GAS2: variants seen among roughly 807,000 people sequenced by gnomAD.
GAS2 encodes growth arrest-specific protein 2.
In GAS2, 20 loss-of-function variants were observed where a neutral mutation model predicts 37.5. The observed-to-expected ratio is 0.53, with a 90% CI of 0.37 to 0.77. GAS2 has a LOEUF of 0.77. Ranked by LOEUF, GAS2 falls within the 30% of genes least tolerant of loss-of-function variation. The probability of loss-of-function intolerance (pLI) is 0.00; values close to 1 mark genes in which losing one functional copy is unlikely to be tolerated. For synonymous variants in GAS2, 144 were observed against 132.2 expected (o/e 1.09, Z -0.61); for missense variants, 336 against 373.4 (o/e 0.90, Z 0.82).
intron 7 of GAS2, among the ~76,000 whole-genome samples, chr11:22,806,817 T>C (rs867254360): frequency 3.9e-5 from 6 of 152,128 alleles, no homozygotes; most frequent in South Asian, 2.1e-4. Context: ...GGTTGTAAGG[T>C]TTGCTGTGGA....
In GAS2 at chr11:22,685,798, T is replaced by C. The variant is rs954041382; in HGVS notation, c.267+9T>C. The C allele has an allele frequency of 6.2e-7, 1 of 1,606,626 alleles. No individual in the cohort carries two copies. Among genetic ancestry groups the C allele is most frequent in the Non-Finnish European group, 8.5e-7 (1 of 1,177,734 alleles). On this transcript the variant is annotated intron_variant, in intron 3 of 7. Transcript: ENST00000454584. ...CTAACAAGCCCACAAAGGTAAAAGA[T>C]CCCAATGCAAAAATCACTCTTAGGT... is the stretch of plus-strand genomic sequence containing the variant.
chr11:22,684,891 GA>G (rs1277874089), intron 2 of GAS2, among the ~76,000 whole-genome samples: 2 of 152,176 alleles, frequency 1.3e-5, no homozygotes, highest in East Asian at 3.9e-4. Flanking sequence ...TTTTAATCAG[GA>G]AAACCATTTC....
At chr11:22,652,599 C>T (rs965467694) in intron 1 of GAS2, among the ~76,000 whole-genome samples, 1 of 152,238 alleles carries the variant, frequency 6.6e-6, no homozygotes, top group Non-Finnish European at 1.5e-5. Flanking sequence ...ACCCTCCGAG[C>T]CAGGTGGGGG....
At chr11:22,642,412 A>G (rs1473113195) in intron 1 of GAS2, among the ~76,000 whole-genome samples, 4 of 152,190 alleles carry the variant, frequency 2.6e-5, no homozygotes, top group African/African-American at 4.8e-5. Context: ...ATGAATTAGT[A>G]TTAATTTAGA....
chr11:22,697,684 G>T (rs1000159739), intron 3 of GAS2, among the ~76,000 whole-genome samples: 1 of 152,066 alleles, frequency 6.6e-6, no homozygotes, highest in African/African-American at 2.4e-5. Flanking sequence ...GGATTCCTAG[G>T]TATTTTATTC....
At chr11:22,677,628 G>C (rs1380101176) in intron 2 of GAS2, among the ~76,000 whole-genome samples, 1 of 152,160 alleles carries the variant, frequency 6.6e-6, no homozygotes, top group Admixed American at 6.5e-5. Context: ...TGATCAGTGT[G>C]AGCAGCCCAA....
Position 22,812,325 on chromosome 11 carries a change from G to A in GAS2, c.*309G>A. On this transcript the variant is annotated 3_prime_UTR_variant, in exon 8 of 8. Transcript: ENST00000454584. ...CACAATTCTAACTAAAGATAAATAA[G>A]GAGAAAACATTTAGGATTTGCAGAT... 4.6e-6 allele frequency: 1 copy of A among 216,996 alleles called. No homozygotes were observed. 13.4% of individuals were successfully genotyped at this position (216,996 alleles called of 1,614,324 possible).
intron 3 of GAS2, among the ~76,000 whole-genome samples, chr11:22,714,973 C>A (rs1851593645): frequency 6.6e-6 from 1 of 152,104 alleles, no homozygotes; most frequent in Admixed American, 6.6e-5. Flanking sequence ...CAAGAATAAA[C>A]CAAACTCAAA....
chr11:22,739,009 G>T (rs932278459), intron 5 of GAS2, among the ~76,000 whole-genome samples: 1 of 152,148 alleles, frequency 6.6e-6, no homozygotes, highest in Non-Finnish European at 1.5e-5. Flanking sequence ...TTGTGGGAAG[G>T]CCTCTGGGGG....
At chr11:22,655,319 T>G (rs1262973147) in intron 1 of GAS2, among the ~76,000 whole-genome samples, 1 of 152,232 alleles carries the variant, frequency 6.6e-6, no homozygotes, top group Non-Finnish European at 1.5e-5. Flanking sequence ...AGGTTAGTTC[T>G]TCAGATGTTT....
intron 5 of GAS2, among the ~76,000 whole-genome samples, chr11:22,743,362 T>C (rs1292357324): frequency 1.3e-5 from 2 of 152,130 alleles, no homozygotes; most frequent in Admixed American, 6.6e-5. Context: ...TTCCAGATTG[T>C]ACAACACTTA....
At chr11:22,732,680 T>G (rs2134198579) in intron 4 of GAS2, among the ~76,000 whole-genome samples, 1 of 151,662 alleles carries the variant, frequency 6.6e-6, no homozygotes, top group South Asian at 2.1e-4. Context: ...GCATGAAAGT[T>G]TTTATGTATC....
intron 5 of GAS2, among the ~76,000 whole-genome samples, chr11:22,745,721 C>A (rs1336914582): frequency 6.6e-6 from 1 of 152,040 alleles, no homozygotes; most frequent in Non-Finnish European, 1.5e-5. Flanking sequence ...TATCCAGAAT[C>A]CATAAGAAAC....
Position 22,787,010 on chromosome 11 carries a change from T to G in GAS2, c.724-24788T>G, listed in dbSNP as rs142894745. The stretch of plus-strand genomic sequence containing the variant: ...AGGCCTGATAATCCACATCTTAACA[T>G]GCATCCCAATAATCACTTTCATTTC... On this transcript the variant is annotated intron_variant, in intron 7 of 7. Transcript: ENST00000454584. Among the ~76,000 whole-genome samples the G allele has an allele frequency of 4.8e-3, 730 of 152,282 alleles. 4 individuals are homozygous for G. The highest frequency in any genetic ancestry group is 0.017 in the African/African-American group (697 of 41,564).
intron 7 of GAS2, among the ~76,000 whole-genome samples, chr11:22,766,457 G>T (rs1479813946): frequency 2.0e-5 from 3 of 151,988 alleles, no homozygotes; most frequent in Non-Finnish European, 4.4e-5. Context: ...TAGACATTTG[G>T]CATGTCATTT....
At chr11:22,807,464 G>A (rs1002127580) in intron 7 of GAS2, among the ~76,000 whole-genome samples, 9 of 152,214 alleles carry the variant, frequency 5.9e-5, no homozygotes, top group Admixed American at 4.6e-4. Context: ...TTTTTAAAAT[G>A]TAGCTATAAA....
rs544907283 is a variant in GAS2 at position 22,803,263 on chromosome 11, C to T, written c.724-8535C>T. On this transcript the variant is annotated intron_variant, in intron 7 of 7. Coordinates refer to ENST00000454584, the MANE Select transcript of GAS2 (RefSeq NM_001143830.3). ...ATGCCAACAGATAACTAGTGTATTC[C>T]GTCGTGTTACCTCACTAGACACGTT... 1.6e-4 allele frequency among the ~76,000 whole-genome samples: 25 copies of T among 152,134 alleles called. No individual in the cohort carries two copies. The South Asian group carries it at 3.7e-3, about 23-fold the overall frequency.
intron 3 of GAS2, among the ~76,000 whole-genome samples, chr11:22,706,235 C>A (rs75495405): frequency 0.018 from 2,704 of 152,124 alleles, 94 homozygotes; most frequent in African/African-American, 0.062. Flanking sequence ...TGGAAATAAC[C>A]ACCCAAGTCA....
At chr11:22,806,818 T>G (rs112097012) in intron 7 of GAS2, among the ~76,000 whole-genome samples, 1,589 of 152,258 alleles carry the variant, frequency 0.01, 24 homozygotes, top group African/African-American at 0.031. Context: ...GTTGTAAGGT[T>G]TGCTGTGGAA....
Sources: gnomAD v4.1 joint callset for allele counts (sites outside exome capture counted in the v4.1 genomes callset) on GRCh38, gnomAD v4.1.1 for gene constraint, MANE v1.5 for transcripts, NCBI Gene and HGNC (gene_info 2026-07-23, HGNC 2026-07-21) for gene names.